NRXN1: variants seen among roughly 807,000 people sequenced by gnomAD.
NRXN1 encodes neurexin-1.
In NRXN1, 39 loss-of-function variants were observed where a neutral mutation model predicts 150.9. The ratio of observed to expected loss-of-function variants is 0.26; its 90% CI spans 0.20 to 0.34. The LOEUF is 0.34. Ranked by LOEUF, NRXN1 falls within the 10% of genes least tolerant of loss-of-function variation. The pLI is 1.00. For missense variants in NRXN1, 1,815 were observed against 1,949.9 expected (o/e 0.93, Z 1.30); for synonymous variants, 924 against 757.0 (o/e 1.22, Z -3.62).
intron 8 of NRXN1, among the ~76,000 whole-genome samples, chr2:50,575,332 G>A (rs2105485156): frequency 6.6e-6 from 1 of 152,250 alleles, no homozygotes; most frequent in South Asian, 2.1e-4. Context: ...ATTCAGTTGT[G>A]GGCATAAGCC....
intron 2 of NRXN1, among the ~76,000 whole-genome samples, chr2:50,970,100 A>T (rs983105884): frequency 4.6e-5 from 7 of 152,110 alleles, no homozygotes; most frequent in African/African-American, 7.2e-5. Context: ...CTACAGTCAA[A>T]CAAGGTATAT....
intron 5 of NRXN1, among the ~76,000 whole-genome samples, chr2:50,712,619 T>G (rs944444679): frequency 6.6e-6 from 1 of 152,210 alleles, no homozygotes; most frequent in Non-Finnish European, 1.5e-5. Context: ...AGATGCCATC[T>G]TTGTCTGTTA....
chr2:50,506,414 C>T (rs1283479867), intron 13 of NRXN1, 81 bp downstream of exon 13: 3 of 1,337,834 alleles, frequency 2.2e-6, no homozygotes, highest in African/African-American at 2.9e-5. Flanking sequence ...TGTGTACCAG[C>T]CTTGGTGTGC....
chr2:50,767,986 T>C (rs1472294746), intron 5 of NRXN1, among the ~76,000 whole-genome samples: 4 of 152,134 alleles, frequency 2.6e-5, no homozygotes, highest in African/African-American at 9.7e-5. Context: ...AGTACAACTC[T>C]GGCCGATAAT....
intron 21 of NRXN1, among the ~76,000 whole-genome samples, chr2:49,960,346 T>G (rs1244534498): frequency 2.6e-5 from 4 of 152,140 alleles, no homozygotes; most frequent in Non-Finnish European, 4.4e-5. Flanking sequence ...TTTATGCAAA[T>G]GTAGAGATCT....
chr2:50,217,755 G>T (rs914003188), intron 18 of NRXN1, among the ~76,000 whole-genome samples: 1 of 151,966 alleles, frequency 6.6e-6, no homozygotes, highest in Non-Finnish European at 1.5e-5. Flanking sequence ...CAAAGCTTTA[G>T]ACTCTTACTT....
chr2:50,165,305 A>G (rs1192521778), intron 18 of NRXN1, among the ~76,000 whole-genome samples: 2 of 152,164 alleles, frequency 1.3e-5, no homozygotes, highest in African/African-American at 4.8e-5. Context: ...TGTTGTGTTT[A>G]CACACTTTGA....
At position 50,347,867 on chromosome 2, in the gene NRXN1, C is replaced by G. The variant is rs1363734296; in HGVS notation, c.3365-110897G>C. 6 of 984,774 alleles carry G rather than the reference C, an allele frequency of 6.1e-6. No individual in the cohort carries two copies. The highest frequency in any genetic ancestry group is 9.4e-5 in the South Asian group (2 of 21,274). The allele number at this position is 984,774 out of a possible 1,614,324, so 61.0% of individuals were successfully genotyped here. ...CAATGCAGAGGACGAGCCTATGTAACGAGGGAGGCTGGTCTAGCTTCCCAC... is the reference window on the plus strand; with the variant it reads ...CAATGCAGAGGACGAGCCTATGTAAGGAGGGAGGCTGGTCTAGCTTCCCAC... On this transcript the variant is annotated intron_variant, in intron 17 of 22. Transcript: ENST00000401669. The surrounding 1 kb of genome is among the most constrained non-coding windows in gnomAD (Gnocchi z 4.9).
intron 5 of NRXN1, among the ~76,000 whole-genome samples, chr2:50,746,128 A>G (rs1036087895): frequency 2.0e-5 from 3 of 152,108 alleles, no homozygotes; most frequent in African/African-American, 7.2e-5. Context: ...TTTGCCGTAG[A>G]AAAATTGTTA....
intron 21 of NRXN1, among the ~76,000 whole-genome samples, chr2:49,983,723 C>T (rs754675160): frequency 1.1e-4 from 16 of 152,152 alleles, no homozygotes; most frequent in Non-Finnish European, 2.1e-4. Context: ...GAGAACACAG[C>T]ATGTACATGG....
At chr2:50,724,401 T>C (rs1195616940) in intron 5 of NRXN1, among the ~76,000 whole-genome samples, 2 of 152,192 alleles carry the variant, frequency 1.3e-5, no homozygotes, top group Admixed American at 6.5e-5. Context: ...TATTCCCTTA[T>C]TGATATACTC....
chr2:50,768,130 A>G lies in NRXN1; in HGVS notation c.833-144515T>C, dbSNP rs116491322. 5.9e-3 allele frequency among the ~76,000 whole-genome samples: 899 copies of G among 152,192 alleles called. 9 individuals carry two copies. Among genetic ancestry groups the G allele is most frequent in the African/African-American group, 0.02 (838 of 41,544 alleles). ...AAATGTGCAACCAACCCCTTTTCCC[A>G]TGAGTCTGACTGCAGTTCTTTCTCC... On this transcript the variant is annotated intron_variant, in intron 5 of 22. Coordinates refer to ENST00000401669, the MANE Select transcript of NRXN1 (RefSeq NM_001330078.2).
intron 12 of NRXN1, among the ~76,000 whole-genome samples, chr2:50,527,012 C>G (rs941204180): frequency 2.0e-5 from 3 of 152,150 alleles, no homozygotes; most frequent in African/African-American, 7.2e-5. Flanking sequence ...GATATAGCCA[C>G]AGAATACAGA....
intron 2 of NRXN1, chr2:50,985,315 T>C (rs1470887719): frequency 6.6e-6 from 1 of 151,854 alleles, no homozygotes. Context: ...GCTATGCCAA[T>C]TTCCACTAAA....
chr2:50,597,216 C>T (rs1158979096), intron 8 of NRXN1, among the ~76,000 whole-genome samples: 1 of 152,050 alleles, frequency 6.6e-6, no homozygotes, highest in Non-Finnish European at 1.5e-5. Context: ...CTGTCTTAGG[C>T]TTTAGTTGGG....
At chr2:50,201,086 G>A (rs2062129115) in intron 18 of NRXN1, among the ~76,000 whole-genome samples, 1 of 152,036 alleles carries the variant, frequency 6.6e-6, no homozygotes, top group South Asian at 2.1e-4. Context: ...TTTTCAAGAT[G>A]TATTGTGTAG....
intron 5 of NRXN1, among the ~76,000 whole-genome samples, chr2:50,865,963 C>T (rs1349993261): frequency 6.6e-6 from 1 of 151,516 alleles, no homozygotes; most frequent in African/African-American, 2.4e-5. Flanking sequence ...AAACAAACAA[C>T]AAGGACAAAA....
At chr2:50,990,186 T>C (rs1429908015) in intron 2 of NRXN1, among the ~76,000 whole-genome samples, 1 of 151,986 alleles carries the variant, frequency 6.6e-6, no homozygotes, top group Non-Finnish European at 1.5e-5. Flanking sequence ...GTAAGGGTGT[T>C]TGTGTATTTA....
intron 17 of NRXN1, among the ~76,000 whole-genome samples, chr2:50,254,557 T>A (rs1190720045): frequency 1.3e-5 from 2 of 152,002 alleles, no homozygotes; most frequent in African/African-American, 2.4e-5. Context: ...TATTTAGTGC[T>A]CTAAATTTCC....
Sources: gnomAD v4.1 joint callset for allele counts (sites outside exome capture counted in the v4.1 genomes callset) on GRCh38, gnomAD v4.1.1 for gene constraint, Gnocchi (gnomAD v3.1) non-coding constraint, MANE v1.5 for transcripts, NCBI Gene and HGNC (gene_info 2026-07-23, HGNC 2026-07-21) for gene names.